The following NRG3 variants were observed in gnomAD, a reference collection of about 807,000 sequenced individuals.
NRG3 encodes the protein neuregulin 3.
Under a neutral mutation model 66.9 loss-of-function variants are expected in NRG3, and 31 were observed. That is an observed-to-expected ratio of 0.46 (90% CI 0.35 to 0.63). The LOEUF is 0.63. Among genes scored for constraint, NRG3 ranks in the 20% least tolerant of loss-of-function variants. The probability of loss-of-function intolerance (pLI) is 0.00; values close to 1 mark genes in which losing one functional copy is unlikely to be tolerated. For synonymous variants in NRG3, 393 were observed against 359.4 expected (o/e 1.09, Z -1.06); for missense variants, 910 against 878.9 (o/e 1.04, Z -0.45).
chr10:82,874,603 A>G (rs1050703948), intron 4 of NRG3, among the ~76,000 whole-genome samples: 2 of 152,188 alleles, frequency 1.3e-5, no homozygotes, highest in African/African-American at 4.8e-5. Flanking sequence ...TACGTGAGAA[A>G]TCAGATATAG....
chr10:82,572,583 C>T (rs929647667), intron 2 of NRG3, among the ~76,000 whole-genome samples: 1 of 149,866 alleles, frequency 6.7e-6, no homozygotes, highest in Non-Finnish European at 1.5e-5. Flanking sequence ...AAAATTCAAT[C>T]AGGTGGTTTT....
At chr10:82,118,251 C>T (rs2067854205) in intron 1 of NRG3, among the ~76,000 whole-genome samples, 2 of 151,280 alleles carry the variant, frequency 1.3e-5, no homozygotes, top group African/African-American at 4.9e-5. Context: ...TCTATATGTG[C>T]TCTGGAGCAC....
intron 1 of NRG3, among the ~76,000 whole-genome samples, chr10:82,037,636 A>G (rs994253254): frequency 6.6e-6 from 1 of 152,120 alleles, no homozygotes; most frequent in Non-Finnish European, 1.5e-5. Context: ...CATATGAATG[A>G]GCACAGTACT....
At chr10:82,635,818 G>A (rs1159859545) in intron 2 of NRG3, among the ~76,000 whole-genome samples, 1 of 151,648 alleles carries the variant, frequency 6.6e-6, no homozygotes, top group African/African-American at 2.4e-5. Context: ...ATGATTGTTG[G>A]TGCTGGGCAG....
At chr10:82,322,441 A>G (rs1412842607) in intron 1 of NRG3, among the ~76,000 whole-genome samples, 2 of 152,232 alleles carry the variant, frequency 1.3e-5, no homozygotes, top group African/African-American at 4.8e-5. Context: ...GAAAAGGATC[A>G]GGGAGATTTG....
intron 1 of NRG3, among the ~76,000 whole-genome samples, chr10:82,044,141 A>G (rs1461299589): frequency 8.6e-6 from 1 of 115,702 alleles, no homozygotes; most frequent in African/African-American, 2.8e-5. Flanking sequence ...TGGTGAGCTA[A>G]CCGAGAGCTT....
At chr10:82,784,101 A>G (rs2060238269) in intron 3 of NRG3, among the ~76,000 whole-genome samples, 1 of 152,136 alleles carries the variant, frequency 6.6e-6, no homozygotes, top group South Asian at 2.1e-4. Context: ...AAAACAAGCA[A>G]TGGGGAAAGG....
chr10:82,408,500 A>G (rs1290372232), intron 2 of NRG3, among the ~76,000 whole-genome samples: 2 of 152,104 alleles, frequency 1.3e-5, no homozygotes, highest in Admixed American at 6.6e-5. Context: ...GTATCTTTTC[A>G]CATGAAGTTA....
intron 1 of NRG3, among the ~76,000 whole-genome samples, chr10:82,278,324 C>T (rs557382072): frequency 6.6e-6 from 1 of 152,114 alleles, no homozygotes; most frequent in African/African-American, 2.4e-5. Flanking sequence ...TCTTGAAGAC[C>T]TACACATCTT....
At chr10:82,672,527 T>G (rs1305965093) in intron 2 of NRG3, among the ~76,000 whole-genome samples, 7 of 152,120 alleles carry the variant, frequency 4.6e-5, no homozygotes, top group Non-Finnish European at 7.4e-5. Flanking sequence ...CTGCCTTCAT[T>G]TACGACTAAT....
intron 2 of NRG3, among the ~76,000 whole-genome samples, chr10:82,529,168 C>A (rs1847016365): frequency 6.6e-6 from 1 of 152,200 alleles, no homozygotes; most frequent in South Asian, 2.1e-4. Context: ...AGGTAGCAGG[C>A]AGATGTTTGC....
chr10:82,940,755 G>T (rs142464963), intron 4 of NRG3, among the ~76,000 whole-genome samples: 1,545 of 152,070 alleles, frequency 0.01, 16 homozygotes, highest in African/African-American at 0.03. Flanking sequence ...GAGCTTCCTT[G>T]AGTTTATTTT....
At chr10:82,832,254 G>A (rs548126812) in intron 3 of NRG3, among the ~76,000 whole-genome samples, 31 of 152,264 alleles carry the variant, frequency 2.0e-4, no homozygotes, top group Admixed American at 3.3e-4. Context: ...TAATCTGAAG[G>A]AGCTAGTCTG....
intron 1 of NRG3, among the ~76,000 whole-genome samples, chr10:81,979,590 A>G (rs374506396): frequency 2.0e-4 from 30 of 152,248 alleles, no homozygotes; most frequent in Middle Eastern, 3.4e-3. Flanking sequence ...GCAATGTCAA[A>G]TGTAGGTAGT....
intron 1 of NRG3, among the ~76,000 whole-genome samples, chr10:81,952,377 G>C (rs533215483): frequency 3.3e-5 from 5 of 151,810 alleles, no homozygotes; most frequent in African/African-American, 1.2e-4. Flanking sequence ...AAGTGTGCTT[G>C]TGTGTGTGTG....
chr10:82,412,844 A>G (rs751385705), intron 2 of NRG3, among the ~76,000 whole-genome samples: 15 of 150,840 alleles, frequency 9.9e-5, no homozygotes, highest in South Asian at 2.1e-4. Context: ...CAAACAAACA[A>G]AAAAACACTT....
chr10:82,857,059 C>A (rs182635476), intron 3 of NRG3, among the ~76,000 whole-genome samples: 1 of 152,198 alleles, frequency 6.6e-6, no homozygotes, highest in African/African-American at 2.4e-5. Context: ...GATGTTTGCA[C>A]TGCAAAATTC....
intron 3 of NRG3, among the ~76,000 whole-genome samples, chr10:82,783,149 T>C (rs1016462747): frequency 2.0e-5 from 3 of 152,108 alleles, no homozygotes; most frequent in Non-Finnish European, 4.4e-5. Context: ...TTTGACAAAA[T>C]TCAACAACGC....
At chr10:82,121,791 A>G (rs367630600) in intron 1 of NRG3, among the ~76,000 whole-genome samples, 3 of 152,126 alleles carry the variant, frequency 2.0e-5, no homozygotes, top group East Asian at 1.9e-4. Flanking sequence ...CTACAGGTAC[A>G]TGCCTGGCTA....
Sources: allele counts gnomAD v4.1 joint callset (sites outside exome capture counted in the v4.1 genomes callset), GRCh38; gene constraint gnomAD v4.1.1; transcripts MANE v1.5; gene names NCBI Gene and HGNC (gene_info 2026-07-23, HGNC 2026-07-21).